The following TMC1 variants were observed in gnomAD, a reference collection of about 807,000 sequenced individuals.
TMC1 encodes the protein transmembrane channel-like protein 1.
A neutral mutation model predicts 105.8 loss-of-function variants in TMC1; 84 were observed. That is an observed-to-expected ratio of 0.79 (90% CI 0.67 to 0.95). The LOEUF is 0.95. TMC1 is among the 40% of genes least tolerant of loss of function. TMC1 has a pLI of 0.00. For synonymous variants in TMC1, 315 were observed against 311.5 expected (o/e 1.01, Z -0.12); for missense variants, 817 against 914.1 (o/e 0.89, Z 1.37).
chr9:72,538,695 T>A (rs1823627199), intron 1 of TMC1, among the ~76,000 whole-genome samples: 1 of 152,188 alleles, frequency 6.6e-6, no homozygotes, highest in African/African-American at 2.4e-5. Flanking sequence ...TGCCTTGGCC[T>A]CCCAAAGTGC....
chr9:72,699,023 A>G (rs1028826703), intron 7 of TMC1, among the ~76,000 whole-genome samples: 2 of 152,280 alleles, frequency 1.3e-5, no homozygotes, highest in Admixed American at 6.5e-5. Flanking sequence ...CCCAGCTAAC[A>G]AAGCAGAAAT....
chr9:72,719,217 T>G (rs1826974431), intron 8 of TMC1, among the ~76,000 whole-genome samples: 1 of 152,130 alleles, frequency 6.6e-6, no homozygotes, highest in Non-Finnish European at 1.5e-5. Context: ...AAACTTCACA[T>G]TTGGTTGGAA....
chr9:72,778,639 C>A (rs901349140), intron 13 of TMC1, among the ~76,000 whole-genome samples: 15 of 152,288 alleles, frequency 9.8e-5, no homozygotes, highest in African/African-American at 3.6e-4. Flanking sequence ...TGAAGACTCA[C>A]CATGCCCCTG....
At chr9:72,801,798 G>A (rs1175375452) in intron 17 of TMC1, among the ~76,000 whole-genome samples, 3 of 152,160 alleles carry the variant, frequency 2.0e-5, no homozygotes, top group African/African-American at 4.8e-5. Context: ...GGCTACCATT[G>A]TTTGGATTCT....
intron 7 of TMC1, among the ~76,000 whole-genome samples, 174 bp from the exon 8 acceptor site, chr9:72,700,344 C>T (rs1183703219): frequency 2.0e-5 from 3 of 151,816 alleles, no homozygotes; most frequent in African/African-American, 7.3e-5. Context: ...ATAATAGTTC[C>T]AGTAATCCTG....
At chr9:72,540,055 C>G (rs1398896381) in intron 1 of TMC1, among the ~76,000 whole-genome samples, 1 of 151,858 alleles carries the variant, frequency 6.6e-6, no homozygotes, top group Non-Finnish European at 1.5e-5. Context: ...GAGGTACAGG[C>G]TTTTGAGGGA....
At chr9:72,826,153 G>C (rs886577759) in intron 20 of TMC1, among the ~76,000 whole-genome samples, 1 of 152,188 alleles carries the variant, frequency 6.6e-6, no homozygotes, top group African/African-American at 2.4e-5. Context: ...CATATACAGA[G>C]AAAATAATGA....
At chr9:72,784,772 A>C (rs903032542) in intron 13 of TMC1, among the ~76,000 whole-genome samples, 2 of 152,210 alleles carry the variant, frequency 1.3e-5, no homozygotes, top group Admixed American at 6.5e-5. Flanking sequence ...AAAAAGAATT[A>C]AATTATGTCT....
At chr9:72,810,612 A>G (rs1828686906) in intron 18 of TMC1, among the ~76,000 whole-genome samples, 1 of 152,192 alleles carries the variant, frequency 6.6e-6, no homozygotes, top group African/African-American at 2.4e-5. Flanking sequence ...ATACGTATAT[A>G]TGTGTGTAAA....
rs114048212 is a variant in TMC1 at position 72,709,991 on chromosome 9, A to G, written c.362+9348A>G. On this transcript the variant is annotated intron_variant, in intron 8 of 23. Transcript: ENST00000297784. ...TTCAGACTTTTTGGTGTAGGCATTT[A>G]ATGCTATGAACTTTTAGCACCACCT... is the stretch of plus-strand genomic sequence containing the variant. Among the ~76,000 whole-genome samples the G allele has an allele frequency of 2.9e-3, 443 of 152,224 alleles. 6 individuals are homozygous for G. Among genetic ancestry groups the G allele is most frequent in the Middle Eastern group, 0.01 (3 of 294 alleles).
At chr9:72,573,328 C>A (rs1467089186) in intron 1 of TMC1, among the ~76,000 whole-genome samples, 1 of 152,132 alleles carries the variant, frequency 6.6e-6, no homozygotes, top group East Asian at 1.9e-4. Context: ...GAATAAAGAA[C>A]TATATAAGCA....
rs750724544 is a variant in TMC1, at chr9:72,792,026, C to T, written c.1365C>T (p.Tyr455=). The change falls in exon 16 of 24, where the codon TAC becomes TAT. Residue 455 remains tyrosine, a synonymous_variant. Transcript: ENST00000297784. ...RIFALLLGNL[Y]VFILALMDEI... is the part of the protein sequence containing the mutation. Reference sequence around the variant, plus strand: ...TTGCTCTTCTTTTAGGCAATTTATACGTATTTATTCTTGCATTAATGGATG... The same window carrying T: ...TTGCTCTTCTTTTAGGCAATTTATATGTATTTATTCTTGCATTAATGGATG... The T allele has an allele frequency of 1.2e-5, 19 of 1,613,906 alleles. No homozygotes were observed. Among genetic ancestry groups the T allele is most frequent in the Admixed American group, 1.0e-4 (6 of 59,988 alleles).
intron 4 of TMC1, among the ~76,000 whole-genome samples, chr9:72,640,140 A>G (rs1461975442): frequency 6.6e-6 from 1 of 152,094 alleles, no homozygotes; most frequent in African/African-American, 2.4e-5. Context: ...CATTTTTACT[A>G]ATGTTGTATA....
At chr9:72,808,189 A>G (rs1244515164) in intron 18 of TMC1, among the ~76,000 whole-genome samples, 2 of 152,132 alleles carry the variant, frequency 1.3e-5, no homozygotes, top group African/African-American at 4.8e-5. Flanking sequence ...CTCTCAAGTC[A>G]TTTGCTACCT....
chr9:72,540,355 A>C (rs759216109), intron 1 of TMC1, among the ~76,000 whole-genome samples: 11 of 152,144 alleles, frequency 7.2e-5, no homozygotes, highest in Non-Finnish European at 1.0e-4. Context: ...TATTCCATTT[A>C]TTCTTCTGTT....
chr9:72,596,506 A>C (rs1004014750), intron 2 of TMC1, among the ~76,000 whole-genome samples: 1 of 151,080 alleles, frequency 6.6e-6, no homozygotes, highest in African/African-American at 2.4e-5. Context: ...AATGACTTCA[A>C]CAATTGGGAC....
chr9:72,523,619 G>A (rs1823352047), intron 1 of TMC1, among the ~76,000 whole-genome samples: 1 of 150,544 alleles, frequency 6.6e-6, no homozygotes, highest in Non-Finnish European at 1.5e-5. Context: ...AGTTGAATAG[G>A]CTGAAGGAGG....
intron 17 of TMC1, among the ~76,000 whole-genome samples, chr9:72,798,142 A>T (rs1296183238): frequency 6.6e-6 from 1 of 152,214 alleles, no homozygotes; most frequent in Non-Finnish European, 1.5e-5. Context: ...ATCATTAGAG[A>T]AATGCAAATC....
Position 72,788,409 on chromosome 9 carries a change from A to G in TMC1, c.955A>G (p.Thr319Ala), listed in dbSNP as rs1564554265. 1.2e-6 allele frequency: 2 copies of G among 1,613,756 alleles called. No individual in the cohort carries two copies. The highest frequency in any genetic ancestry group is 2.7e-5 in the African/African-American group (2 of 74,904). Residue 319 changes from threonine to alanine, a missense_variant, in exon 14 of 24, where the codon ACC becomes GCC. Thr to Ala is a moderately conservative substitution (Grantham distance 58). Transcript: ENST00000297784. ...NTFNFSWKVF[T>A]SWDYLIGNPE... ...TTTCAATTTCAGCTGGAAGGTCTTT[A>G]CCAGCTGGGACTACCTGATCGGCAA...
Sources: gnomAD v4.1 joint callset for allele counts (sites outside exome capture counted in the v4.1 genomes callset) on GRCh38, gnomAD v4.1.1 for gene constraint, MANE v1.5 for transcripts, NCBI Gene and HGNC (gene_info 2026-07-23, HGNC 2026-07-21) for gene names.